Variants in LHFPL4 observed in about 807,000 individuals in gnomAD.
LHFPL4 encodes LHFPL tetraspan subfamily member 4 protein.
A neutral mutation model predicts 20.0 loss-of-function variants in LHFPL4; 6 were observed. The ratio of observed to expected loss-of-function variants is 0.30; its 90% CI spans 0.16 to 0.59. LHFPL4 has a LOEUF of 0.59. Among genes scored for constraint, LHFPL4 ranks in the 20% least tolerant of loss-of-function variants. The pLI is 0.88. For synonymous variants in LHFPL4, 129 were observed against 143.8 expected (o/e 0.90, Z 0.74); for missense variants, 215 against 331.2 (o/e 0.65, Z 2.72).
chr3:9,511,504 A>T (rs1214779899), intron 2 of LHFPL4, among the ~76,000 whole-genome samples: 1 of 152,160 alleles, frequency 6.6e-6, no homozygotes, highest in East Asian at 1.9e-4. Flanking sequence ...TCCTTACTGC[A>T]TGTTTTTCTT....
chr3:9,523,166 C>A (rs1414910799), intron 2 of LHFPL4, among the ~76,000 whole-genome samples: 1 of 151,462 alleles, frequency 6.6e-6, no homozygotes, highest in South Asian at 2.1e-4. Context: ...TGCCTGTAAT[C>A]CCAGCACTTT....
At chr3:9,521,300 CT>C (rs1343824441) in intron 2 of LHFPL4, among the ~76,000 whole-genome samples, 1 of 150,828 alleles carries the variant, frequency 6.6e-6, no homozygotes, top group Non-Finnish European at 1.5e-5. Context: ...TCATAGCTCA[CT>C]GCAGCCTTGA....
Position 9,506,819 on chromosome 3 carries a change from G to A in LHFPL4, c.407-616C>T, listed in dbSNP as rs1309894130. Among the ~76,000 whole-genome samples the A allele has an allele frequency of 6.6e-6, 1 of 152,146 alleles. No individual in the cohort carries two copies. The highest frequency in any genetic ancestry group is 1.5e-5 in the Non-Finnish European group (1 of 68,018). On this transcript the variant is annotated intron_variant, in intron 2 of 3. Transcript: ENST00000287585. The surrounding 1 kb of genome is among the most constrained non-coding windows in gnomAD (Gnocchi z 4.5). The stretch of plus-strand genomic sequence containing the variant: ...TGGTCTCGAACTCCTAACCTCAAGT[G>A]ATCTGCCCACCTCAGCCTCCCAAAG...
chr3:9,536,437 C>G (rs1254530484), intron 2 of LHFPL4, among the ~76,000 whole-genome samples: 1 of 152,132 alleles, frequency 6.6e-6, no homozygotes, highest in African/African-American at 2.4e-5. Flanking sequence ...TCCTCCCTTT[C>G]TCTCACCTCC....
intron 3 of LHFPL4, among the ~76,000 whole-genome samples, chr3:9,502,956 TTATC>T (rs1298339905): frequency 3.3e-5 from 5 of 152,062 alleles, no homozygotes; most frequent in Admixed American, 2.0e-4. Context: ...AGCAATTTAT[TTATC>T]TATTTTTTCT....
intron 3 of LHFPL4, 117 bp downstream of exon 3, chr3:9,505,850 C>T (rs778843856): frequency 2.9e-5 from 29 of 1,009,046 alleles, no homozygotes; most frequent in Admixed American, 7.6e-5. Context: ...TGAGCCACCA[C>T]GCCCAGCCAG....
At position 9,505,442 on chromosome 3, in the gene LHFPL4, G is replaced by GT. The variant is rs535829436; in HGVS notation, c.643+524dup. On this transcript the variant is annotated intron_variant, in intron 3 of 3. Transcript: ENST00000287585. ...TTGCCACCACATCCAGCTAGTTTTT[G>GT]TTTTTTTTTGTTTTTTTGTTTTTTT... Among the ~76,000 whole-genome samples, 1,473 of 147,384 alleles carry GT rather than the reference G, an allele frequency of 1.0e-2. 21 individuals carry two copies. The highest frequency in any genetic ancestry group is 0.025 in the African/African-American group (1,008 of 40,066).
intron 2 of LHFPL4, among the ~76,000 whole-genome samples, chr3:9,524,537 A>C (rs2046361412): frequency 6.6e-6 from 1 of 152,104 alleles, no homozygotes; most frequent in South Asian, 2.1e-4. Context: ...AGTCTACTAA[A>C]AGCCCGTCAA....
chr3:9,534,183 C>T (rs556493607), intron 2 of LHFPL4, among the ~76,000 whole-genome samples: 20 of 151,572 alleles, frequency 1.3e-4, no homozygotes, highest in Non-Finnish European at 2.2e-4. Flanking sequence ...TCCCACTGCA[C>T]TCCAGCCTGG....
At chr3:9,511,091 C>G (rs1214218741) in intron 2 of LHFPL4, among the ~76,000 whole-genome samples, 2 of 151,944 alleles carry the variant, frequency 1.3e-5, no homozygotes, top group Non-Finnish European at 1.5e-5. Flanking sequence ...GTGGTTCACA[C>G]TTGTAATCCC....
chr3:9,525,261 C>G (rs918267242), intron 2 of LHFPL4, among the ~76,000 whole-genome samples: 2 of 152,198 alleles, frequency 1.3e-5, no homozygotes, highest in Non-Finnish European at 2.9e-5. Flanking sequence ...TGGGAGCCCC[C>G]CTAATGACTG....
At chr3:9,523,657 T>C (rs1574845355) in intron 2 of LHFPL4, among the ~76,000 whole-genome samples, 1 of 151,722 alleles carries the variant, frequency 6.6e-6, no homozygotes, top group African/African-American at 2.4e-5. Context: ...ATTTTTAGTA[T>C]AGACGGGGTT....
intron 2 of LHFPL4, among the ~76,000 whole-genome samples, chr3:9,524,336 C>T (rs1019324894): frequency 6.6e-6 from 1 of 151,710 alleles, no homozygotes; most frequent in Non-Finnish European, 1.5e-5. Context: ...AAAAGTTCTT[C>T]TGTTCCTTTC....
At chr3:9,520,210 C>G (rs1315163570) in intron 2 of LHFPL4, among the ~76,000 whole-genome samples, 1 of 152,096 alleles carries the variant, frequency 6.6e-6, no homozygotes, top group East Asian at 1.9e-4. Context: ...AACCCTGGCA[C>G]TTTGAGAGGC....
intron 2 of LHFPL4, among the ~76,000 whole-genome samples, chr3:9,542,012 G>T (rs192584293): frequency 6.6e-6 from 1 of 151,936 alleles, no homozygotes; most frequent in Non-Finnish European, 1.5e-5. Context: ...AAGGCCAGGC[G>T]TGGTGACTCA....
intron 2 of LHFPL4, among the ~76,000 whole-genome samples, chr3:9,517,810 T>TG (rs1268343051): frequency 9.4e-5 from 10 of 106,384 alleles, no homozygotes; most frequent in African/African-American, 1.2e-4. Flanking sequence ...TGTTTTTTGT[T>TG]TTTTTTTTTT....
chr3:9,503,977 G>A (rs1488767885), intron 3 of LHFPL4, among the ~76,000 whole-genome samples: 2 of 152,256 alleles, frequency 1.3e-5, no homozygotes, highest in South Asian at 2.1e-4. Flanking sequence ...AGTGAGCTAT[G>A]ATTGCACCAC....
chr3:9,548,257 T>C (rs2046530077), intron 2 of LHFPL4, among the ~76,000 whole-genome samples: 1 of 152,222 alleles, frequency 6.6e-6, no homozygotes, highest in Non-Finnish European at 1.5e-5. Flanking sequence ...TCCACAAGAT[T>C]GTTGTGAGTA....
At chr3:9,548,630 C>T (rs1337494902) in intron 2 of LHFPL4, among the ~76,000 whole-genome samples, 1 of 152,198 alleles carries the variant, frequency 6.6e-6, no homozygotes, top group African/African-American at 2.4e-5. Flanking sequence ...TATTAGTGCT[C>T]AGACTGCCCA....
Sources: gnomAD v4.1 joint callset for allele counts (sites outside exome capture counted in the v4.1 genomes callset) on GRCh38, gnomAD v4.1.1 for gene constraint, Gnocchi (gnomAD v3.1) non-coding constraint, MANE v1.5 for transcripts, NCBI Gene and HGNC (gene_info 2026-07-23, HGNC 2026-07-21) for gene names.